Variants in ARL15 observed in about 807,000 individuals in gnomAD.
The protein encoded by ARL15 is ARF like GTPase 15, also known as ADP-ribosylation factor-like protein 15.
Under a neutral mutation model 25.2 loss-of-function variants are expected in ARL15, and 19 were observed. That is an observed-to-expected ratio of 0.75 (90% CI 0.53 to 1.10). The LOEUF (loss-of-function observed/expected upper bound fraction) is 1.10, where lower values mean the gene tolerates loss of function less well. Among genes scored for constraint, ARL15 ranks in the 50% least tolerant of loss-of-function variants. The pLI, the probability that ARL15 is intolerant of heterozygous loss-of-function variation, is 0.00. For missense variants in ARL15, 220 were observed against 246.0 expected, an observed-to-expected ratio of 0.89 and a Z score of 0.71; for synonymous variants, 94 against 86.8, an observed-to-expected ratio of 1.08 and a Z score of -0.46.
At chr5:53,983,716 C>T (rs1313294245) in intron 4 of ARL15, among the ~76,000 whole-genome samples, 1 of 152,166 alleles carries the variant, frequency 6.6e-6, no homozygotes, top group Admixed American at 6.5e-5. Flanking sequence ...ACTGACTCAA[C>T]CATGTACTGC....
At chr5:54,006,051 C>CAAAA (rs56094450) in intron 4 of ARL15, among the ~76,000 whole-genome samples, 127 of 57,052 alleles carry the variant, frequency 2.2e-3, no homozygotes, top group Middle Eastern at 9.8e-3. Context: ...ATTACATCTC[C>CAAAA]AAAAAAAAAA....
rs536163727 is a variant in ARL15, at chr5:54,204,406, C to T, written c.49-32478G>A. Among the ~76,000 whole-genome samples the T allele has an allele frequency of 2.0e-5, 3 of 152,310 alleles. No individual in the cohort carries two copies. In the East Asian group the frequency reaches 5.8e-4, roughly 29 times the overall value. On this transcript the variant is annotated intron_variant, in intron 1 of 4. Coordinates refer to ENST00000504924, the MANE Select transcript of ARL15 (RefSeq NM_019087.3). ...GACTTTTCCTTCCCTCTGCACGTTT[C>T]TGCTGAGAAGCCAGTCTTAAACTGT...
At chr5:54,070,332 C>T (rs1203963717) in intron 4 of ARL15, among the ~76,000 whole-genome samples, 2 of 151,574 alleles carry the variant, frequency 1.3e-5, no homozygotes, top group East Asian at 4.0e-4. Flanking sequence ...GTGGAGCTTG[C>T]AGTGAGCCGA....
At chr5:54,148,395 T>TA (rs1203642684) in intron 3 of ARL15, among the ~76,000 whole-genome samples, 6 of 152,008 alleles carry the variant, frequency 3.9e-5, no homozygotes, top group Admixed American at 2.0e-4. Context: ...GAAGAAACCT[T>TA]AAAAAAATGG....
chr5:54,285,291 G>A, intron 1 of ARL15: 1 of 789,398 alleles, frequency 1.3e-6, no homozygotes, highest in Non-Finnish European at 1.5e-6. Flanking sequence ...GAAAAAGAAT[G>A]CCTAAGACAG....
At chr5:53,924,846 GTAA>G (rs1267082820) in intron 4 of ARL15, among the ~76,000 whole-genome samples, 2 of 152,060 alleles carry the variant, frequency 1.3e-5, no homozygotes, top group Admixed American at 6.5e-5. Context: ...CAAATACAAT[GTAA>G]TTTGGGAGCC....
At chr5:54,048,896 A>C (rs937345235) in intron 4 of ARL15, among the ~76,000 whole-genome samples, 1 of 151,946 alleles carries the variant, frequency 6.6e-6, no homozygotes, top group Non-Finnish European at 1.5e-5. Context: ...CAGTCAGAGC[A>C]GGAGTTAGTG....
At chr5:54,242,596 G>A (rs559854510) in intron 1 of ARL15, among the ~76,000 whole-genome samples, 1 of 152,276 alleles carries the variant, frequency 6.6e-6, no homozygotes, top group African/African-American at 2.4e-5. Context: ...TTTCTTGGAA[G>A]GGTTGCTGAG....
intron 3 of ARL15, among the ~76,000 whole-genome samples, chr5:54,128,268 T>C (rs1753321825): frequency 6.6e-6 from 1 of 152,240 alleles, no homozygotes; most frequent in South Asian, 2.1e-4. Context: ...AAACTGATTA[T>C]CTCTTCAATT....
chr5:54,047,916 C>T (rs1318535236), intron 4 of ARL15: 1 of 152,164 alleles, frequency 6.6e-6, no homozygotes. Flanking sequence ...CTATATCTTT[C>T]TCTACTGGTT....
intron 1 of ARL15, among the ~76,000 whole-genome samples, chr5:54,194,122 C>A (rs1755485971): frequency 6.6e-6 from 1 of 152,088 alleles, no homozygotes; most frequent in South Asian, 2.1e-4. Flanking sequence ...CTTATCCACC[C>A]AGTCTTCTTT....
chr5:53,937,575 A>G (rs1746391483), intron 4 of ARL15, among the ~76,000 whole-genome samples: 1 of 152,204 alleles, frequency 6.6e-6, no homozygotes, highest in Non-Finnish European at 1.5e-5. Flanking sequence ...ATGTTTAGAT[A>G]CACAAATACT....
intron 3 of ARL15, among the ~76,000 whole-genome samples, chr5:54,143,156 A>G (rs940385133): frequency 6.6e-6 from 1 of 152,112 alleles, no homozygotes; most frequent in Non-Finnish European, 1.5e-5. Context: ...AATCCTTTAT[A>G]TATTTTTATT....
At chr5:53,919,221 G>A (rs573663909) in intron 4 of ARL15, among the ~76,000 whole-genome samples, 75 of 152,302 alleles carry the variant, frequency 4.9e-4, no homozygotes, top group African/African-American at 1.8e-3. Context: ...AAGTCTACGA[G>A]GTGTGTGCCA....
intron 4 of ARL15, among the ~76,000 whole-genome samples, chr5:53,927,230 G>A (rs1369499806): frequency 1.3e-5 from 2 of 152,000 alleles, no homozygotes; most frequent in Non-Finnish European, 2.9e-5. Flanking sequence ...TTCTCTTTTG[G>A]TAACTTCATC....
chr5:54,135,489 T>G (rs1026884780), intron 3 of ARL15, among the ~76,000 whole-genome samples: 1 of 152,216 alleles, frequency 6.6e-6, no homozygotes, highest in African/African-American at 2.4e-5. Context: ...TCAGAATACA[T>G]GACACCTAAA....
rs276156 is a variant in ARL15, at chr5:54,071,517, C to G, written c.462+41685G>C. ...TCTCTCTTCCACCGCCTTTCCCCCC[C>G]CCCCCCCCGCAAAGCCAGACCCAAC... On this transcript the variant is annotated intron_variant, in intron 4 of 4. Coordinates refer to ENST00000504924, the MANE Select transcript of ARL15 (RefSeq NM_019087.3). Among the ~76,000 whole-genome samples the G allele has an allele frequency of 2.7e-4, 28 of 104,952 alleles. 1 individual carries two copies. The highest frequency in any genetic ancestry group is 7.7e-4 in the South Asian group (2 of 2,600). 68.9% of individuals were successfully genotyped at this position (104,952 alleles called of 152,430 possible). A position where few individuals can be genotyped will look rare whatever the true frequency, so the allele number is the denominator to read the frequency against.
intron 1 of ARL15, among the ~76,000 whole-genome samples, chr5:54,173,249 G>T (rs1754773473): frequency 6.6e-6 from 1 of 151,950 alleles, no homozygotes; most frequent in South Asian, 2.1e-4. Context: ...GGGAGACAGG[G>T]TATCATTTGT....
chr5:54,285,449 CA>C, intron 1 of ARL15: 1 of 412,212 alleles, frequency 2.4e-6, no homozygotes, highest in Non-Finnish European at 3.3e-6. Flanking sequence ...CTATACAGTC[CA>C]AAAAATGGTA....
Sources: gnomAD v4.1 joint callset for allele counts (sites outside exome capture counted in the v4.1 genomes callset) on GRCh38, gnomAD v4.1.1 for gene constraint, MANE v1.5 for transcripts, NCBI Gene and HGNC (gene_info 2026-07-23, HGNC 2026-07-21) for gene names.